HSPA14: variants seen among roughly 807,000 people sequenced by gnomAD.
HSPA14 encodes heat shock protein family A (Hsp70) member 14.
HSPA14 carries 37 observed loss-of-function variants against 65.5 expected under a neutral mutation model. The ratio of observed to expected loss-of-function variants is 0.56; its 90% confidence interval spans 0.43 to 0.74. The LOEUF (loss-of-function observed/expected upper bound fraction) is 0.74. Among genes scored for constraint, HSPA14 ranks in the 30% least tolerant of loss-of-function variants. The probability of loss-of-function intolerance (pLI) is 0.00; values close to 1 mark genes in which losing one functional copy is unlikely to be tolerated. For synonymous variants in HSPA14, 203 were observed against 214.2 expected, an observed-to-expected ratio of 0.95 and a Z score of 0.46; for missense variants, 564 against 607.6, an observed-to-expected ratio of 0.93 and a Z score of 0.75.
chr10:14,860,295 A>AG (rs1832740495), intron 10 of HSPA14, among the ~76,000 whole-genome samples: 1 of 152,204 alleles, frequency 6.6e-6, no homozygotes, highest in African/African-American at 2.4e-5. Context: ...CACCTATTCT[A>AG]CGCTAGGCAG....
intron 10 of HSPA14, among the ~76,000 whole-genome samples, chr10:14,866,545 A>G (rs1832808288): frequency 6.6e-6 from 1 of 152,242 alleles, no homozygotes; most frequent in South Asian, 2.1e-4. Flanking sequence ...GAAATTCTTC[A>G]GAAAGATTTA....
intron 6 of HSPA14, among the ~76,000 whole-genome samples, chr10:14,850,550 A>G (rs942617470): frequency 2.0e-5 from 3 of 152,256 alleles, no homozygotes; most frequent in Non-Finnish European, 4.4e-5. Context: ...GCTCTGCAGG[A>G]TAGAGTTTCA....
chr10:14,856,052 T>G, intron 10 of HSPA14, 109 bp downstream of exon 10: 2 of 670,952 alleles, frequency 3.0e-6, no homozygotes, highest in Admixed American at 2.9e-5. Flanking sequence ...AAGAATTTTC[T>G]TAGATTGTGT....
chr10:14,859,740 G>A (rs554091731), intron 10 of HSPA14, among the ~76,000 whole-genome samples: 7 of 152,200 alleles, frequency 4.6e-5, no homozygotes, highest in Non-Finnish European at 1.0e-4. Flanking sequence ...AAATTCAGGA[G>A]TAAATCCTAG....
At chr10:14,867,364 A>G in intron 11 of HSPA14, 69 bp downstream of exon 11, 1 of 1,083,980 alleles carries the variant, frequency 9.2e-7, no homozygotes, top group Non-Finnish European at 1.4e-6. Flanking sequence ...AAAATAGTAA[A>G]TTAATTGCCA....
intron 10 of HSPA14, among the ~76,000 whole-genome samples, chr10:14,865,297 C>G (rs1157060315): frequency 1.3e-5 from 2 of 151,858 alleles, no homozygotes; most frequent in Non-Finnish European, 2.9e-5. Context: ...ATGGTAGTTT[C>G]TTTTGCTGTG....
chr10:14,848,861 A>C lies in HSPA14; in HGVS notation c.342A>C (p.Glu114Asp). ...AAGAAACAAAATTTGTTAACCCAGA[A>C]GATGTTGCCAGACTGATATTTAGTA... ...TGEETKFVNP[E>D]DVARLIFSKM... The change falls in exon 5 of 14, where the codon GAA (glutamate) becomes GAC (aspartate). Residue 114 changes from glutamate (E) to aspartate (D), a missense_variant. By Grantham distance (45) the Glu-to-Asp change is conservative. Coordinates refer to ENST00000378372, the MANE Select transcript of HSPA14 (RefSeq NM_016299.4). 6.3e-7 allele frequency: 1 copy of C among 1,577,696 alleles called. No individual in the cohort carries two copies. Among genetic ancestry groups the C allele is most frequent in the Non-Finnish European group, 8.7e-7 (1 of 1,150,656 alleles).
intron 8 of HSPA14, 33 bp from the exon 9 acceptor site, chr10:14,854,091 AT>A (rs766915621): frequency 1.9e-6 from 3 of 1,542,970 alleles, no homozygotes. Context: ...TGGCCCAGTA[AT>A]TTTAAACCCC....
intron 3 of HSPA14, chr10:14,843,967 G>A (rs1834010646): frequency 2.3e-5 from 34 of 1,508,864 alleles, no homozygotes; most frequent in Non-Finnish European, 3.0e-5. Flanking sequence ...CTGAATCCCT[G>A]GCTCCTTTTC....
At chr10:14,861,454 T>A (rs1425495145) in intron 10 of HSPA14, among the ~76,000 whole-genome samples, 2 of 152,008 alleles carry the variant, frequency 1.3e-5, no homozygotes, top group Non-Finnish European at 2.9e-5. Flanking sequence ...GCCTCCTGAG[T>A]AGCTGGGACT....
At chr10:14,852,076 C>T (rs1158266665) in intron 7 of HSPA14, among the ~76,000 whole-genome samples, 3 of 152,194 alleles carry the variant, frequency 2.0e-5, no homozygotes, top group African/African-American at 4.8e-5. Context: ...TCTTAAAATT[C>T]ACTATAATCA....
In HSPA14 at chr10:14,854,162, A is replaced by G; in HGVS notation, c.772A>G (p.Met258Val). 1 of 1,610,152 alleles carries G rather than the reference A, an allele frequency of 6.2e-7. No individual in the cohort carries two copies. Among genetic ancestry groups the G allele is most frequent in the Non-Finnish European group, 8.5e-7 (1 of 1,179,028 alleles). The change falls in exon 9 of 14, where the codon ATG (methionine) becomes GTG (valine). Residue 258 changes from methionine to valine, a missense_variant. By Grantham distance (21) the Met-to-Val change is conservative. Coordinates refer to ENST00000378372, the MANE Select transcript of HSPA14 (RefSeq NM_016299.4). ...KHDVRGNARA[M>V]MKLTNSAEVA... The stretch of plus-strand genomic sequence containing the variant: ...TGATGTGAGAGGAAATGCGCGAGCC[A>G]TGATGAAATTAACGAACAGTGCTGA...
At chr10:14,839,265 C>T (rs1357773167) in intron 1 of HSPA14, among the ~76,000 whole-genome samples, 1 of 152,212 alleles carries the variant, frequency 6.6e-6, no homozygotes, top group African/African-American at 2.4e-5. Flanking sequence ...AATAATACTA[C>T]TTCATTTGTA....
At position 14,842,671 on chromosome 10, in the gene HSPA14, CG is replaced by C; in HGVS notation, c.221+2515del. ...GTGATCAGAACTTAGTGGCCTCTGA[CG>C]CCCCAGGGGAAGAGGGAACCGGCAT... On this transcript the variant is annotated intron_variant, in intron 3 of 13. Coordinates refer to ENST00000378372, the MANE Select transcript of HSPA14 (RefSeq NM_016299.4). The surrounding 1 kb of genome is among the most constrained non-coding windows in gnomAD (Gnocchi z 5.2). The C allele has an allele frequency of 6.5e-7, 1 of 1,536,274 alleles. No homozygotes were observed. The highest frequency in any genetic ancestry group is 8.7e-7 in the Non-Finnish European group (1 of 1,146,948).
At chr10:14,855,094 G>A (rs928317560) in intron 9 of HSPA14, among the ~76,000 whole-genome samples, 1 of 151,882 alleles carries the variant, frequency 6.6e-6, no homozygotes, top group Non-Finnish European at 1.5e-5. Context: ...CCAAGTCCTC[G>A]GTATATATTT....
chr10:14,870,937 A>G (rs951056783), intron 13 of HSPA14, among the ~76,000 whole-genome samples: 6 of 152,174 alleles, frequency 3.9e-5, no homozygotes, highest in Non-Finnish European at 8.8e-5. Context: ...TTTGAGATGT[A>G]ATTTATCAAT....
chr10:14,845,523 G>A (rs976005589), intron 3 of HSPA14: 2 of 985,186 alleles, frequency 2.0e-6, no homozygotes, highest in South Asian at 4.7e-5. Flanking sequence ...TTGGAATCTA[G>A]TTAGAATTCC....
intron 3 of HSPA14, chr10:14,841,148 A>G (rs1833966831): frequency 6.6e-6 from 1 of 152,190 alleles, no homozygotes; most frequent in Non-Finnish European, 1.5e-5. Flanking sequence ...TGAACTTGAT[A>G]TTAATCTTTT....
At chr10:14,863,355 G>T (rs1376447626) in intron 10 of HSPA14, among the ~76,000 whole-genome samples, 1 of 152,156 alleles carries the variant, frequency 6.6e-6, no homozygotes, top group Non-Finnish European at 1.5e-5. Flanking sequence ...GGTCTTAAAG[G>T]AGTGCCTTAG....
Sources: allele counts gnomAD v4.1 joint callset (sites outside exome capture counted in the v4.1 genomes callset), GRCh38; gene constraint gnomAD v4.1.1; non-coding constraint Gnocchi (gnomAD v3.1); transcripts MANE v1.5; gene names NCBI Gene and HGNC (gene_info 2026-07-23, HGNC 2026-07-21).